The following SLC4A10 variants were observed in gnomAD, a reference collection of about 807,000 sequenced individuals.
SLC4A10 encodes the protein solute carrier family 4 member 10.
Under a neutral mutation model 137.7 loss-of-function variants are expected in SLC4A10, and 42 were observed. That is an observed-to-expected ratio of 0.30 (90% CI 0.24 to 0.39). The LOEUF is 0.39. Among genes scored for constraint, SLC4A10 ranks in the 10% least tolerant of loss-of-function variants. The pLI is 1.00. For missense variants in SLC4A10, 925 were observed against 1,355.0 expected, an observed-to-expected ratio of 0.68 and a Z score of 4.98; for synonymous variants, 474 against 464.1, an observed-to-expected ratio of 1.02 and a Z score of -0.27.
chr2:161,817,069 T>G (rs148089112), intron 3 of SLC4A10, among the ~76,000 whole-genome samples: 1,992 of 152,318 alleles, frequency 0.013, 19 homozygotes, highest in Non-Finnish European at 0.019. Context: ...ACTTTCACAA[T>G]GATTGAACTA....
In SLC4A10 at chr2:161,860,115, T is replaced by G. The variant is rs2060350594; in HGVS notation, c.578-2759T>G. ...TTGGTACTTAAATGTCACCCTAGTA[T>G]AAATTATATTCTTAAGCAAAATGAG... is the stretch of plus-strand genomic sequence containing the variant. On this transcript the variant is annotated intron_variant, in intron 5 of 26. Transcript: ENST00000446997. Among the ~76,000 whole-genome samples, 3 of 152,362 alleles carry G rather than the reference T, an allele frequency of 2.0e-5. No homozygotes were observed. In the South Asian group the frequency reaches 6.2e-4, roughly 32 times the overall value.
intron 5 of SLC4A10, among the ~76,000 whole-genome samples, chr2:161,859,499 A>G (rs62187759): frequency 8.6e-5 from 13 of 150,648 alleles, no homozygotes; most frequent in African/African-American, 3.2e-4. Context: ...ACCACGTTGG[A>G]CAGGGTGGTC....
intron 1 of SLC4A10, among the ~76,000 whole-genome samples, chr2:161,681,540 C>G (rs1214568430): frequency 6.6e-6 from 1 of 152,084 alleles, no homozygotes; most frequent in Non-Finnish European, 1.5e-5. Flanking sequence ...TTTCTTAGGT[C>G]AAAAACTTAG....
chr2:161,933,291 T>A (rs1056193980), intron 15 of SLC4A10, among the ~76,000 whole-genome samples: 1 of 150,658 alleles, frequency 6.6e-6, no homozygotes, highest in African/African-American at 2.4e-5. Flanking sequence ...TTCTTTCTCT[T>A]TCTTTGTTTC....
intron 1 of SLC4A10, among the ~76,000 whole-genome samples, chr2:161,768,032 T>C (rs1201864216): frequency 6.6e-6 from 1 of 152,068 alleles, no homozygotes; most frequent in Non-Finnish European, 1.5e-5. Flanking sequence ...AATTTTTATT[T>C]ACTTCTTTCC....
chr2:161,801,394 A>T (rs961202731), intron 2 of SLC4A10, among the ~76,000 whole-genome samples: 2 of 151,642 alleles, frequency 1.3e-5, no homozygotes, highest in African/African-American at 4.8e-5. Context: ...TATTTCTCTT[A>T]TCTTTCTATT....
chr2:161,795,995 C>T (rs1462818207), intron 2 of SLC4A10, among the ~76,000 whole-genome samples: 2 of 152,102 alleles, frequency 1.3e-5, no homozygotes, highest in Admixed American at 6.6e-5. Flanking sequence ...TTCCTATCAA[C>T]ATTGATCACA....
intron 15 of SLC4A10, among the ~76,000 whole-genome samples, chr2:161,939,269 G>A (rs939176749): frequency 6.6e-6 from 1 of 151,964 alleles, no homozygotes; most frequent in African/African-American, 2.4e-5. Flanking sequence ...TAGAGATGGG[G>A]TTTCACCATG....
rs115496865 is a variant in SLC4A10, at chr2:161,813,660, G to A, written c.277+9065G>A. Among the ~76,000 whole-genome samples, 420 of 152,182 alleles carry A rather than the reference G, an allele frequency of 2.8e-3. 3 individuals carry two copies. Among genetic ancestry groups the A allele is most frequent in the African/African-American group, 9.4e-3 (392 of 41,536 alleles). ...GAATGGATTATCTGTAGGGCTATGC[G>A]CTAATGATGAGTTTTCATCATTTTC... On this transcript the variant is annotated intron_variant, in intron 3 of 26. Transcript: ENST00000446997.
intron 3 of SLC4A10, among the ~76,000 whole-genome samples, chr2:161,811,180 A>T (rs2056518903): frequency 6.6e-6 from 1 of 151,964 alleles, no homozygotes; most frequent in Non-Finnish European, 1.5e-5. Context: ...ATAGTCTCTG[A>T]ATATCTTTTG....
In SLC4A10 at chr2:161,944,370, TTACTC is replaced by T. The variant is rs1369396235; in HGVS notation, c.2103+1476_2103+1480del. On this transcript the variant is annotated intron_variant, in intron 16 of 26. Coordinates refer to ENST00000446997, the MANE Select transcript of SLC4A10 (RefSeq NM_001178015.2). ...TCTCTAAGTTATATAACATGATAAT[TTACTC>T]TATATGTGTTTTGTATTATGTGAAT... is the stretch of plus-strand genomic sequence containing the variant. Among the ~76,000 whole-genome samples, 10 of 151,934 alleles carry T rather than the reference TTACTC, an allele frequency of 6.6e-5. No homozygotes were observed. The South Asian group carries it at 1.9e-3, about 28-fold the overall frequency.
chr2:161,948,402 C>G (rs983872851), intron 17 of SLC4A10, among the ~76,000 whole-genome samples: 1 of 152,210 alleles, frequency 6.6e-6, no homozygotes, highest in African/African-American at 2.4e-5. Context: ...TCACCACTTT[C>G]TTCTCTAAGG....
intron 1 of SLC4A10, among the ~76,000 whole-genome samples, chr2:161,738,768 C>G (rs1333092899): frequency 6.6e-6 from 1 of 152,176 alleles, no homozygotes; most frequent in Non-Finnish European, 1.5e-5. Context: ...AACTTTTCCA[C>G]CTTTGGAGAG....
chr2:161,882,209 C>A, intron 9 of SLC4A10, 148 bp from the exon 10 acceptor site: 3 of 508,962 alleles, frequency 5.9e-6, no homozygotes, highest in Admixed American at 3.8e-5. Context: ...TAAAATTTTT[C>A]AAAATAATAA....
At chr2:161,656,072 A>G (rs1421424756) in intron 1 of SLC4A10, among the ~76,000 whole-genome samples, 2 of 152,130 alleles carry the variant, frequency 1.3e-5, no homozygotes, top group Non-Finnish European at 2.9e-5. Context: ...TCGGCCTCCC[A>G]AAGTGCTGGG....
rs76368453 is a variant in SLC4A10, at chr2:161,972,363, A to G, written c.3160-1886A>G. ...CTGACCGCCAGGATGTGCCTACAATATATATTATGCATGTAATATATTTCA... is the reference window on the plus strand; with the variant it reads ...CTGACCGCCAGGATGTGCCTACAATGTATATTATGCATGTAATATATTTCA... On this transcript the variant is annotated intron_variant, in intron 23 of 26. Coordinates refer to ENST00000446997, the MANE Select transcript of SLC4A10 (RefSeq NM_001178015.2). Among the ~76,000 whole-genome samples, 219 of 152,292 alleles carry G rather than the reference A, an allele frequency of 1.4e-3. 7 individuals are homozygous for G. The East Asian group carries it at 0.04, about 28-fold the overall frequency.
intron 3 of SLC4A10, among the ~76,000 whole-genome samples, chr2:161,814,997 T>G (rs2056910572): frequency 6.6e-6 from 1 of 152,086 alleles, no homozygotes; most frequent in Non-Finnish European, 1.5e-5. Flanking sequence ...TAAAAGTTAT[T>G]TAATAAATAA....
chr2:161,767,741 T>C (rs2051074753), intron 1 of SLC4A10, among the ~76,000 whole-genome samples: 1 of 151,998 alleles, frequency 6.6e-6, no homozygotes. Flanking sequence ...TTGAAAAGGA[T>C]TTGGAATTTT....
intron 1 of SLC4A10, among the ~76,000 whole-genome samples, chr2:161,642,769 T>C (rs2035492968): frequency 6.6e-6 from 1 of 151,974 alleles, no homozygotes; most frequent in Non-Finnish European, 1.5e-5. Context: ...GATCGTAATA[T>C]CTTCATGTAG....
Sources: gnomAD v4.1 joint callset for allele counts (sites outside exome capture counted in the v4.1 genomes callset) on GRCh38, gnomAD v4.1.1 for gene constraint, MANE v1.5 for transcripts, NCBI Gene and HGNC (gene_info 2026-07-23, HGNC 2026-07-21) for gene names.